The following C1orf94 variants were observed in gnomAD, a reference collection of about 807,000 sequenced individuals.
C1orf94 encodes the protein uncharacterized protein C1orf94.
C1orf94 carries 45 observed loss-of-function variants against 53.6 expected under a neutral mutation model. The observed-to-expected ratio is 0.84, with a 90% CI of 0.66 to 1.08. C1orf94 has a LOEUF of 1.08. Ranked by LOEUF, C1orf94 falls within the 50% of genes least tolerant of loss-of-function variation. C1orf94 has a pLI of 0.00. For missense variants in C1orf94, 762 were observed against 738.9 expected, an observed-to-expected ratio of 1.03 and a Z score of -0.36; for synonymous variants, 304 against 296.1, an observed-to-expected ratio of 1.03 and a Z score of -0.27.
rs80283022 is a variant in C1orf94 at position 34,208,374 on chromosome 1, C to T, written c.1524+140C>T. ...GGCTCTGGAGTACAGACTCACATAC[C>T]GGCATGCGTGTGGAAAACACAAACC... On this transcript the variant is annotated intron_variant, in intron 5 of 6. Coordinates refer to ENST00000488417, the MANE Select transcript of C1orf94 (RefSeq NM_001134734.2). 9.0e-4 allele frequency: 718 copies of T among 798,548 alleles called. 7 individuals are homozygous for T. The African/African-American group carries it at 0.011, about 12-fold the overall frequency. The allele number at this position is 798,548 out of a possible 1,614,324, so 49.5% of individuals were successfully genotyped here. A position where few individuals can be genotyped will look rare whatever the true frequency, so the allele number is the denominator to read the frequency against.
At chr1:34,210,031 A>G (rs1004203129) in intron 5 of C1orf94, among the ~76,000 whole-genome samples, 1 of 152,164 alleles carries the variant, frequency 6.6e-6, no homozygotes, top group African/African-American at 2.4e-5. Context: ...ACACTGTTCC[A>G]TTGCTTTTGT....
intron 6 of C1orf94, among the ~76,000 whole-genome samples, chr1:34,213,465 G>C (rs4652997): frequency 9.2e-5 from 14 of 152,146 alleles, no homozygotes; most frequent in East Asian, 7.7e-4. Flanking sequence ...TTCCTAGGGT[G>C]CACGGAGAAT....
chr1:34,205,842 C>A (rs1170044731), intron 4 of C1orf94, among the ~76,000 whole-genome samples: 1 of 152,110 alleles, frequency 6.6e-6, no homozygotes, highest in African/African-American at 2.4e-5. Context: ...GTCCCCAACA[C>A]CGAGGAGCTT....
chr1:34,170,885 C>T (rs1261499021), intron 1 of C1orf94, among the ~76,000 whole-genome samples: 2 of 152,112 alleles, frequency 1.3e-5, no homozygotes, highest in East Asian at 3.9e-4. Flanking sequence ...CATCACTGAG[C>T]CCTCCAGATT....
upstream of C1orf94, among the ~76,000 whole-genome samples, chr1:34,173,860 G>A (rs183284920): frequency 1.8e-3 from 277 of 152,314 alleles, 1 homozygote; most frequent in Middle Eastern, 3.4e-3. Context: ...AAAAAAGACA[G>A]AGACCAAACT....
chr1:34,217,232 G>T (rs1643003675), intron 6 of C1orf94, among the ~76,000 whole-genome samples: 1 of 152,138 alleles, frequency 6.6e-6, no homozygotes, highest in Admixed American at 6.5e-5. Flanking sequence ...CACACAGATT[G>T]CTCCTCTTCC....
intron 6 of C1orf94, 84 bp from the exon 7 acceptor site, chr1:34,218,602 C>A (rs1009173502): frequency 3.6e-6 from 4 of 1,119,456 alleles, no homozygotes; most frequent in African/African-American, 3.2e-5. Context: ...TTCTGACAAC[C>A]ATAAAATTAA....
intron 5 of C1orf94, among the ~76,000 whole-genome samples, chr1:34,208,621 C>T (rs1470074461): frequency 6.6e-6 from 1 of 152,146 alleles, no homozygotes; most frequent in Non-Finnish European, 1.5e-5. Flanking sequence ...TGTGGCAATA[C>T]ATAACCGCCA....
chr1:34,168,464 TAGG>T (rs1375613458), intron 1 of C1orf94, among the ~76,000 whole-genome samples: 1 of 152,052 alleles, frequency 6.6e-6, no homozygotes, highest in Non-Finnish European at 1.5e-5. Context: ...GCAGATCACA[TAGG>T]GTCTATTAGG....
intron 6 of C1orf94, among the ~76,000 whole-genome samples, 167 bp downstream of exon 6, chr1:34,212,573 G>A: frequency 6.6e-6 from 1 of 152,152 alleles, no homozygotes; most frequent in Middle Eastern, 3.2e-3. Context: ...GGAGGGACCT[G>A]GTGCAGAGAT....
intron 1 of C1orf94, among the ~76,000 whole-genome samples, chr1:34,189,344 A>AGTGTGTGT (rs142487428): frequency 4.0e-5 from 6 of 150,348 alleles, no homozygotes; most frequent in African/African-American, 1.2e-4. Flanking sequence ...TATGTGCCCG[A>AGTGTGTGT]GTGTGTGTGT....
At chr1:34,206,800 C>A (rs1642802364) in intron 4 of C1orf94, among the ~76,000 whole-genome samples, 1 of 152,080 alleles carries the variant, frequency 6.6e-6, no homozygotes, top group African/African-American at 2.4e-5. Flanking sequence ...AGAGAGGCTG[C>A]CCTGGGCTGT....
intron 1 of C1orf94, among the ~76,000 whole-genome samples, chr1:34,192,539 T>G (rs1642511554): frequency 6.6e-6 from 1 of 152,000 alleles, no homozygotes; most frequent in African/African-American, 2.4e-5. Context: ...TGAGCTGGAG[T>G]TATGTGCCAA....
chr1:34,177,813 T>C lies in C1orf94; in HGVS notation c.24T>C (p.Val8=), dbSNP rs760478579. ...GAATGAGGGGTGGTGGTGGTTGTGT[T>C]CTAGCCCTGGGTGGACAGAGGGGCT... MRGGGGC[V]LALGGQRGFQ... Residue 8 remains valine, a synonymous_variant, in exon 1 of 7, where the codon GTT becomes GTC. Coordinates refer to ENST00000488417, the MANE Select transcript of C1orf94 (RefSeq NM_001134734.2). 2.6e-5 allele frequency: 40 copies of C among 1,545,448 alleles called. No homozygotes were observed. The South Asian group carries it at 4.5e-4, about 18-fold the overall frequency.
chr1:34,186,779 T>A (rs1265556309), intron 1 of C1orf94, among the ~76,000 whole-genome samples: 1 of 152,194 alleles, frequency 6.6e-6, no homozygotes, highest in African/African-American at 2.4e-5. Context: ...GGGATTCTGA[T>A]GAGGTGGTGG....
rs112582897 is a variant in C1orf94 at position 34,169,747 on chromosome 1, A to T, written c.-251+2576A>T. Among the ~76,000 whole-genome samples, 1,121 of 152,330 alleles carry T rather than the reference A, an allele frequency of 7.4e-3. 9 individuals carry two copies. Among genetic ancestry groups the T allele is most frequent in the Non-Finnish European group, 0.012 (823 of 68,036 alleles). On this transcript the variant is annotated intron_variant, in intron 1 of 6. Coordinates refer to the C1orf94 transcript ENST00000373374. Reference sequence around the variant, plus strand: ...GATGGGCTCAGAGGAAAAGCTTAGGATCCCAAATGGGGCACAATTTTAAAA... The same window carrying T: ...GATGGGCTCAGAGGAAAAGCTTAGGTTCCCAAATGGGGCACAATTTTAAAA...
chr1:34,192,154 C>G (rs1309653118), intron 1 of C1orf94, among the ~76,000 whole-genome samples: 3 of 152,162 alleles, frequency 2.0e-5, no homozygotes, highest in African/African-American at 7.2e-5. Context: ...GATGCCAGGA[C>G]TGGCAAAACT....
In C1orf94 at chr1:34,200,647, C is replaced by G. The variant is rs1571345494; in HGVS notation, c.1010-125C>G. 8 of 1,343,968 alleles carry G rather than the reference C, an allele frequency of 6.0e-6. No individual in the cohort carries two copies. In the East Asian group the frequency reaches 1.8e-4, roughly 31 times the overall value. The allele number at this position is 1,343,968 out of a possible 1,614,324, so 83.3% of individuals were successfully genotyped here. On this transcript the variant is annotated intron_variant, in intron 2 of 6. Coordinates refer to ENST00000488417, the MANE Select transcript of C1orf94 (RefSeq NM_001134734.2). ...ATTGTATTTGGCTGAAAGAGAGTCC[C>G]CCAAAGTGGTCCAAGCCTCAGGTGT...
In C1orf94 at chr1:34,208,534, C is replaced by A. The variant is rs139618727; in HGVS notation, c.1524+300C>A. Among the ~76,000 whole-genome samples, 63 of 152,270 alleles carry A rather than the reference C, an allele frequency of 4.1e-4. 1 individual carries two copies. In the East Asian group the frequency reaches 0.011, roughly 26 times the overall value. ...GTGAGGTAGGTTATAGATGAGGAAACCCAAGCACAGAGAGATTAAGTAAGT... is the reference window on the plus strand; with the variant it reads ...GTGAGGTAGGTTATAGATGAGGAAAACCAAGCACAGAGAGATTAAGTAAGT... On this transcript the variant is annotated intron_variant, in intron 5 of 6. Coordinates refer to ENST00000488417, the MANE Select transcript of C1orf94 (RefSeq NM_001134734.2).
Sources: allele counts gnomAD v4.1 joint callset (sites outside exome capture counted in the v4.1 genomes callset), GRCh38; gene constraint gnomAD v4.1.1; transcripts MANE v1.5; gene names NCBI Gene and HGNC (gene_info 2026-07-23, HGNC 2026-07-21).